Variants in MYH6 observed in about 807,000 individuals in gnomAD.
MYH6 encodes the protein myosin-6.
MYH6 carries 126 observed loss-of-function variants against 223.2 expected under a neutral mutation model. That is an observed-to-expected ratio of 0.56 (90% CI 0.49 to 0.65). MYH6 has a LOEUF of 0.65. MYH6 is among the 30% of genes least tolerant of loss of function. MYH6 has a pLI of 0.00. For missense variants in MYH6, 2,040 were observed against 2,536.4 expected, an observed-to-expected ratio of 0.80 and a Z score of 4.20; for synonymous variants, 978 against 1,010.2, an observed-to-expected ratio of 0.97 and a Z score of 0.61.
At chr14:23,397,968 TTCTTCTTCTTC>T (rs1891473654) in intron 15 of MYH6, among the ~76,000 whole-genome samples, 1 of 130,654 alleles carries the variant, frequency 7.7e-6, no homozygotes, top group Non-Finnish European at 1.6e-5. Flanking sequence ...CTTCTTCTTC[TTCTTCTTCTTC>T]TTCTTCTTCT....
At chr14:23,404,631 A>G in intron 7 of MYH6, 80 bp downstream of exon 7, 1 of 1,363,820 alleles carries the variant, frequency 7.3e-7, no homozygotes, top group Non-Finnish European at 1.0e-6. Flanking sequence ...ACCACGTCAC[A>G]GGGAGGGGAG....
chr14:23,384,685 C>A lies in MYH6; in HGVS notation c.5322G>T (p.Glu1774Asp), dbSNP rs1327619656. ...AAMMAEELKK[E>D]QDTSAHLERM... ...GCTCCAGGTGGGCGCTGGTGTCCTG[C>A]TCCTTCTTCAGCTCCTCTGCCATCA... is the stretch of plus-strand genomic sequence containing the variant. The change falls in exon 36 of 39, where the codon GAG (glutamate) becomes GAT (aspartate). Residue 1774 changes from glutamate to aspartate, a missense_variant. Physicochemically the swap from Glu to Asp is conservative, Grantham distance 45. This residue lies in a region of MYH6 where 1,203 missense variants were observed against 1,400.2 expected (regional missense o/e 0.86). Transcript: ENST00000405093. 1.2e-6 allele frequency: 2 copies of A among 1,614,112 alleles called. No homozygotes were observed. The highest frequency in any genetic ancestry group is 1.7e-6 in the Non-Finnish European group (2 of 1,180,038).
intron 21 of MYH6, 53 bp from the exon 22 acceptor site, chr14:23,393,961 G>T (rs1595056656): frequency 1.9e-6 from 3 of 1,613,946 alleles, no homozygotes; most frequent in East Asian, 2.2e-5. Context: ...GAGACCTAGG[G>T]TCTTAAAAAG....
chr14:23,407,058 C>T lies in MYH6; in HGVS notation c.166G>A (p.Gly56Arg), dbSNP rs28711516. The T allele has an allele frequency of 0.077, 124,984 of 1,614,154 alleles. 5,295 individuals carry two copies. Among genetic ancestry groups the T allele is most frequent in the Middle Eastern group, 0.093 (563 of 6,062 alleles). Reference sequence around the variant, plus strand: ...TCGGTTTCAGCAATGACCTTGCCTCCCTCCCGGGACAAAATCTTGGCTTTG... The same window carrying T: ...TCGGTTTCAGCAATGACCTTGCCTCTCTCCCGGGACAAAATCTTGGCTTTG... Reference protein sequence around the residue: ...FVKAKILSREGGKVIAETENG... With the variant: ...FVKAKILSRERGKVIAETENG... Residue 56 changes from glycine (G) to arginine (R), a missense_variant, in exon 3 of 39, where the codon GGA becomes AGA. Gly to Arg is a moderately radical substitution (Grantham distance 125, BLOSUM62 -2). Coordinates refer to ENST00000405093, the MANE Select transcript of MYH6 (RefSeq NM_002471.4). This position sits in a 1 kb window ranked among gnomAD's most constrained non-coding sequence, Gnocchi z 5.6.
intron 15 of MYH6, 126 bp downstream of exon 15, chr14:23,398,602 A>G: frequency 9.3e-7 from 1 of 1,079,012 alleles, no homozygotes; most frequent in Non-Finnish European, 1.4e-6. Flanking sequence ...GAGGTGAGCC[A>G]GGAGGTGGCT....
At chr14:23,383,838 C>T (rs1376168660) in intron 36 of MYH6, among the ~76,000 whole-genome samples, 1 of 152,172 alleles carries the variant, frequency 6.6e-6, no homozygotes, top group African/African-American at 2.4e-5. Flanking sequence ...TTGTATGTGC[C>T]AGGATGCCAT....
At chr14:23,403,890 T>A in intron 8 of MYH6, 112 bp from the exon 9 acceptor site, 1 of 939,546 alleles carries the variant, frequency 1.1e-6, no homozygotes. Context: ...AACGACCTCT[T>A]TGGTGTCTCA....
Position 23,393,350 on chromosome 14 carries a change from C to T in MYH6, c.3097G>A (p.Val1033Met), listed in dbSNP as rs1891294644. Residue 1033 changes from valine to methionine, a missense_variant, in exon 23 of 39, where the codon GTG becomes ATG. By Grantham distance (21) the Val-to-Met change is conservative (BLOSUM62 1). Around this residue, in one of 4 missense-constraint regions of MYH6, gnomAD observed 1,203 missense variants for 1,400.2 expected, o/e 0.86. Coordinates refer to ENST00000405093, the MANE Select transcript of MYH6 (RefSeq NM_002471.4). ...TGGTTCTTACTACTCACATCATCCACCTGCTGCTCCAGCTTGACCTTAGAC... is the reference window on the plus strand; with the variant it reads ...TGGTTCTTACTACTCACATCATCCATCTGCTGCTCCAGCTTGACCTTAGAC... ...SKSKVKLEQQ[V>M]DDLEGSLEQE... is the part of the protein sequence containing the mutation. The T allele has an allele frequency of 6.2e-7, 1 of 1,614,212 alleles. No individual in the cohort carries two copies. Among genetic ancestry groups the T allele is most frequent in the East Asian group, 2.2e-5 (1 of 44,890 alleles).
At chr14:23,399,131 C>G (rs1034099283) in intron 14 of MYH6, 94 bp from the exon 15 acceptor site, 5 of 1,495,574 alleles carry the variant, frequency 3.3e-6, no homozygotes, top group Admixed American at 1.7e-5. Context: ...AATCTGGAGC[C>G]AGTAGCGCTG....
intron 20 of MYH6, among the ~76,000 whole-genome samples, chr14:23,395,764 G>C (rs762781306): frequency 6.6e-6 from 1 of 152,004 alleles, no homozygotes; most frequent in Admixed American, 6.5e-5. Context: ...TCCTGACCTC[G>C]TGATCCACCC....
chr14:23,389,545 C>T, intron 27 of MYH6, 34 bp from the exon 28 acceptor site: 1 of 1,614,226 alleles, frequency 6.2e-7, no homozygotes, highest in Non-Finnish European at 8.5e-7. Flanking sequence ...TGGGCCATTT[C>T]ACAAGTCATG....
intron 17 of MYH6, 28 bp downstream of exon 17, chr14:23,397,142 C>T (rs374296279): frequency 6.2e-6 from 10 of 1,614,058 alleles, no homozygotes; most frequent in Non-Finnish European, 8.5e-6. Flanking sequence ...AGCTGTCCTC[C>T]CCAGACTAAG....
chr14:23,382,352 C>A, intron 38 of MYH6, 76 bp downstream of exon 38: 1 of 1,602,680 alleles, frequency 6.2e-7, no homozygotes. Context: ...GCAAGCAGTG[C>A]CCACTCTGAA....
rs372158844 is a variant in MYH6 at position 23,388,897 on chromosome 14, C to A, written c.4137G>T (p.Thr1379=). Residue 1379 remains threonine (T), a synonymous_variant, in exon 29 of 39, where the codon ACG becomes ACT. Transcript: ENST00000405093. ...EVAQWRTKYE[T]DAIQRTEELE... is the part of the protein sequence containing the mutation. ...GCTCCTCAGTCCGCTGAATGGCGTC[C>A]GTCTCATACTTGGTCCTCCACTGGG... 1.2e-6 allele frequency: 2 copies of A among 1,613,672 alleles called. No individual in the cohort carries two copies. Among genetic ancestry groups the A allele is most frequent in the Non-Finnish European group, 1.7e-6 (2 of 1,180,060 alleles).
chr14:23,397,747 G>A, intron 15 of MYH6, 134 bp from the exon 16 acceptor site: 1 of 926,794 alleles, frequency 1.1e-6, no homozygotes, highest in South Asian at 1.4e-5. Flanking sequence ...AGTTTACCAT[G>A]AGGATGACAG....
chr14:23,404,172 C>T lies in MYH6; in HGVS notation c.735+124G>A, dbSNP rs1566515821. On this transcript the variant is annotated intron_variant, in intron 8 of 38. Transcript: ENST00000405093. ...CTCCAAAGCCTATGCTCTCTTCCCA[C>T]CAACGTGTGCATGTTGATATCCCAA... 5.8e-6 allele frequency: 7 copies of T among 1,205,128 alleles called. No homozygotes were observed. The East Asian group carries it at 1.6e-4, about 28-fold the overall frequency. 74.7% of individuals were successfully genotyped at this position (1,205,128 alleles called of 1,614,324 possible).
chr14:23,389,037 G>T lies in MYH6; in HGVS notation c.3997C>A (p.His1333Asn), dbSNP rs756551140. 1.3e-6 allele frequency: 2 copies of T among 1,598,922 alleles called. No individual in the cohort carries two copies. The highest frequency in any genetic ancestry group is 3.4e-5 in the Admixed American group (2 of 58,792). Residue 1333 changes from histidine to asparagine, a missense_variant, in exon 29 of 39, where the codon CAT becomes AAT. Around this residue, in one of 4 missense-constraint regions of MYH6, gnomAD observed 1,203 missense variants for 1,400.2 expected, o/e 0.86. Transcript: ENST00000405093. The part of the protein sequence containing the change: ...EEGKAKNALA[H>N]ALQSARHDCD... Reference sequence around the variant, plus strand: ...TCATGCCGGGCCGACTGCAGTGCATGGGCCAGGGCGTTCTTCGCCTGGGGA... The same window carrying T: ...TCATGCCGGGCCGACTGCAGTGCATTGGCCAGGGCGTTCTTCGCCTGGGGA...
rs1425571023 is a variant in MYH6 at position 23,400,759 on chromosome 14, G to A, written c.1360C>T (p.Arg454Cys). 7.4e-6 allele frequency: 12 copies of A among 1,614,122 alleles called. No homozygotes were observed. The highest frequency in any genetic ancestry group is 2.2e-5 in the East Asian group (1 of 44,890). The change falls in exon 13 of 39, where the codon CGC (arginine) becomes TGC (cysteine). Residue 454 changes from arginine (R) to cysteine (C), a missense_variant. By Grantham distance (180) the Arg-to-Cys change is radical. Transcript: ENST00000405093. ...INATLETKQP[R>C]QYFIGVLDIA... is the part of the protein sequence containing the mutation. Reference sequence around the variant, plus strand: ...TCCAGGACTCCTATGAAGTACTGGCGTGGCTGCTTGGTCTCCAGGGTGGCG... The same window carrying A: ...TCCAGGACTCCTATGAAGTACTGGCATGGCTGCTTGGTCTCCAGGGTGGCG...
At chr14:23,383,356 G>T (rs773559053) in intron 36 of MYH6, 36 bp from the exon 37 acceptor site, 40 of 1,476,542 alleles carry the variant, frequency 2.7e-5, no homozygotes, top group Non-Finnish European at 3.3e-5. Flanking sequence ...TGGTTTGGAG[G>T]GGGAGCAAAT....
Sources: allele counts gnomAD v4.1 joint callset (sites outside exome capture counted in the v4.1 genomes callset), GRCh38; gene constraint gnomAD v4.1.1; regional missense constraint gnomAD v4.1.1; non-coding constraint Gnocchi (gnomAD v3.1); transcripts MANE v1.5; gene names NCBI Gene and HGNC (gene_info 2026-07-23, HGNC 2026-07-21).